Variants in JAZF1 observed in about 807,000 individuals in gnomAD.
The protein encoded by JAZF1 is JAZF zinc finger 1.
A neutral mutation model predicts 26.4 loss-of-function variants in JAZF1; 8 were observed. The observed-to-expected ratio is 0.30, with a 90% CI of 0.18 to 0.55. JAZF1 has a LOEUF of 0.55. Among genes scored for constraint, JAZF1 ranks in the 20% least tolerant of loss-of-function variants. The pLI, the probability that JAZF1 is intolerant of heterozygous loss-of-function variation, is 0.94. For synonymous variants in JAZF1, 126 were observed against 122.3 expected (o/e 1.03, Z -0.20); for missense variants, 199 against 322.0 (o/e 0.62, Z 2.92).
chr7:27,910,265 T>C (rs1784339692), intron 2 of JAZF1, among the ~76,000 whole-genome samples: 1 of 152,184 alleles, frequency 6.6e-6, no homozygotes, highest in Admixed American at 6.5e-5. Flanking sequence ...AATGTGTATT[T>C]TATAAGCTCT....
At chr7:28,153,752 T>C (rs901000617) in intron 1 of JAZF1, among the ~76,000 whole-genome samples, 1 of 152,216 alleles carries the variant, frequency 6.6e-6, no homozygotes, top group Non-Finnish European at 1.5e-5. Context: ...CAGAGACTTA[T>C]TTCATTGAAT....
rs975390823 is a variant in JAZF1, at chr7:28,053,383, T to C, written c.116-61402A>G. ...CACAGTAATTCTATTTTCAGTTTTTTGAGGAACATGTTTTCTATAATGTTT... is the reference window on the plus strand; with the variant it reads ...CACAGTAATTCTATTTTCAGTTTTTCGAGGAACATGTTTTCTATAATGTTT... On this transcript the variant is annotated intron_variant, in intron 1 of 4. Transcript: ENST00000283928. Among the ~76,000 whole-genome samples, 5 of 152,210 alleles carry C rather than the reference T, an allele frequency of 3.3e-5. No individual in the cohort carries two copies. The East Asian group carries it at 9.6e-4, about 29-fold the overall frequency.
intron 1 of JAZF1, among the ~76,000 whole-genome samples, chr7:28,089,731 T>G (rs1784264523): frequency 6.6e-6 from 1 of 152,184 alleles, no homozygotes; most frequent in African/African-American, 2.4e-5. Context: ...ATGAGGAACA[T>G]GTTATTGAAT....
At chr7:27,900,290 C>A (rs557943322) in intron 2 of JAZF1, among the ~76,000 whole-genome samples, 1 of 152,190 alleles carries the variant, frequency 6.6e-6, no homozygotes, top group South Asian at 2.1e-4. Flanking sequence ...AACTAAATGA[C>A]GTAAATAATT....
chr7:27,907,330 C>CA (rs1434422249), intron 2 of JAZF1, among the ~76,000 whole-genome samples: 5 of 152,192 alleles, frequency 3.3e-5, no homozygotes. Context: ...GGAGACCACT[C>CA]AGAGTTGTGG....
chr7:28,076,965 G>A (rs980448092), intron 1 of JAZF1, among the ~76,000 whole-genome samples: 3 of 152,148 alleles, frequency 2.0e-5, no homozygotes, highest in African/African-American at 7.2e-5. Context: ...ATCTTAGTGT[G>A]TAGACGACAA....
At chr7:27,937,532 C>G (rs879852875) in intron 2 of JAZF1, among the ~76,000 whole-genome samples, 1 of 152,084 alleles carries the variant, frequency 6.6e-6, no homozygotes, top group Admixed American at 6.6e-5. Flanking sequence ...AAAATATGAT[C>G]CTCTCCTTTA....
chr7:28,084,323 C>T (rs1245911737), intron 1 of JAZF1, among the ~76,000 whole-genome samples: 1 of 152,166 alleles, frequency 6.6e-6, no homozygotes, highest in Non-Finnish European at 1.5e-5. Flanking sequence ...CAACAAAAAC[C>T]CTTTCCATCA....
Position 27,878,949 on chromosome 7 carries a change from C to A in JAZF1, c.385+16271G>T, listed in dbSNP as rs1783724557. Reference sequence around the variant, plus strand: ...TATTTTTGTTGATCTGTTTTCCATTCTTTTGAATATTCTGAGGACATTTGT... The same window carrying A: ...TATTTTTGTTGATCTGTTTTCCATTATTTTGAATATTCTGAGGACATTTGT... On this transcript the variant is annotated intron_variant, in intron 3 of 4. Coordinates refer to ENST00000283928, the MANE Select transcript of JAZF1 (RefSeq NM_175061.4). Among the ~76,000 whole-genome samples, 3 of 152,178 alleles carry A rather than the reference C, an allele frequency of 2.0e-5. No individual in the cohort carries two copies. In the South Asian group the frequency reaches 6.2e-4, roughly 32 times the overall value.
chr7:28,135,252 CT>C (rs1419497139), intron 1 of JAZF1, among the ~76,000 whole-genome samples: 1 of 151,360 alleles, frequency 6.6e-6, no homozygotes, highest in Non-Finnish European at 1.5e-5. Flanking sequence ...TTCCGCAAAA[CT>C]AAGGAGCCCT....
intron 2 of JAZF1, among the ~76,000 whole-genome samples, chr7:27,912,605 G>C (rs913305379): frequency 3.7e-4 from 56 of 152,050 alleles, no homozygotes; most frequent in Admixed American, 2.1e-3. Context: ...TTATTAGAAT[G>C]GGCTGTTAAG....
chr7:27,968,048 T>C (rs1308980315), intron 2 of JAZF1, among the ~76,000 whole-genome samples: 1 of 152,234 alleles, frequency 6.6e-6, no homozygotes, highest in Non-Finnish European at 1.5e-5. Context: ...TTTATAGTAG[T>C]CAAAGACTTT....
chr7:27,916,260 GA>G (rs78835169), intron 2 of JAZF1, among the ~76,000 whole-genome samples: 32,979 of 141,980 alleles, frequency 0.23, 3,828 homozygotes, highest in East Asian at 0.47. Context: ...TCAGGGAAAA[GA>G]AAAAAAAAAA....
intron 2 of JAZF1, among the ~76,000 whole-genome samples, chr7:27,990,625 A>G (rs1785880731): frequency 6.6e-6 from 1 of 152,188 alleles, no homozygotes; most frequent in Non-Finnish European, 1.5e-5. Context: ...AGTCCTATTC[A>G]ATACCATAAT....
chr7:27,832,713 G>T lies in JAZF1; in HGVS notation c.*87C>A. On this transcript the variant is annotated 3_prime_UTR_variant, in exon 5 of 5. Transcript: ENST00000283928. ...TTTAATTCTTTTTCTTTAAAGGGTTGCTGAATGCTTCCCCTGAAAAAAGGT... is the reference window on the plus strand; with the variant it reads ...TTTAATTCTTTTTCTTTAAAGGGTTTCTGAATGCTTCCCCTGAAAAAAGGT... 9.1e-7 allele frequency: 1 copy of T among 1,098,024 alleles called. No homozygotes were observed. The highest frequency in any genetic ancestry group is 1.3e-6 in the Non-Finnish European group (1 of 783,350). The allele number at this position is 1,098,024 out of a possible 1,614,324, so 68.0% of individuals were successfully genotyped here. A position where few individuals can be genotyped will look rare whatever the true frequency, so the allele number is the denominator to read the frequency against.
Position 27,891,519 on chromosome 7 carries a change from T to C in JAZF1, c.385+3701A>G, listed in dbSNP as rs1583450440. Among the ~76,000 whole-genome samples the C allele has an allele frequency of 2.0e-5, 3 of 152,158 alleles. No individual in the cohort carries two copies. The South Asian group carries it at 6.2e-4, about 32-fold the overall frequency. ...GGAAAACAATGAGAGAAAAAGATTC[T>C]TCTAGGATGTAAAAATGGCAAAACA... On this transcript the variant is annotated intron_variant, in intron 3 of 4. Transcript: ENST00000283928.
chr7:27,838,227 TAGAG>T (rs796788337), intron 4 of JAZF1, among the ~76,000 whole-genome samples: 8 of 152,282 alleles, frequency 5.3e-5, no homozygotes, highest in African/African-American at 7.2e-5. Flanking sequence ...TCTCTTTTGT[TAGAG>T]AGAATCTGTT....
intron 1 of JAZF1, among the ~76,000 whole-genome samples, chr7:28,145,718 TA>T (rs576911852): frequency 0.06 from 8,838 of 146,430 alleles, 772 homozygotes; most frequent in African/African-American, 0.2. Flanking sequence ...ACCACCACAA[TA>T]AAAAAAAAAA....
At chr7:28,158,143 A>ACGTGCG (rs1783216792) in intron 1 of JAZF1, among the ~76,000 whole-genome samples, 2 of 141,738 alleles carry the variant, frequency 1.4e-5, no homozygotes, top group African/African-American at 5.1e-5. Context: ...CATTGAAAAC[A>ACGTGCG]CGCGCGCACA....
Sources: allele counts gnomAD v4.1 joint callset (sites outside exome capture counted in the v4.1 genomes callset), GRCh38; gene constraint gnomAD v4.1.1; transcripts MANE v1.5; gene names NCBI Gene and HGNC (gene_info 2026-07-23, HGNC 2026-07-21).